The following KANSL2 variants were observed in gnomAD, a reference collection of about 807,000 sequenced individuals.
KANSL2 encodes the protein KAT8 regulatory NSL complex subunit 2.
KANSL2 carries 34 observed loss-of-function variants against 55.6 expected under a neutral mutation model. That is an observed-to-expected ratio of 0.61 (90% CI 0.46 to 0.81). The LOEUF (loss-of-function observed/expected upper bound fraction) is 0.81. Ranked by LOEUF, KANSL2 falls within the 40% of genes least tolerant of loss-of-function variation. The probability of loss-of-function intolerance (pLI) is 0.00; values close to 1 mark genes in which losing one functional copy is unlikely to be tolerated. For missense variants in KANSL2, 502 were observed against 609.9 expected (o/e 0.82, Z 1.86); for synonymous variants, 209 against 214.3 (o/e 0.98, Z 0.22).
At chr12:48,681,952 C>A (rs1181989828) in intron 1 of KANSL2, 2 of 702,928 alleles carry the variant, frequency 2.8e-6, no homozygotes, top group Admixed American at 4.0e-5. Flanking sequence ...TCCCCGCACG[C>A]CGCCTTTGTC....
intron 4 of KANSL2, among the ~76,000 whole-genome samples, chr12:48,678,614 A>T (rs1277229053): frequency 6.6e-6 from 1 of 152,192 alleles, no homozygotes; most frequent in Non-Finnish European, 1.5e-5. Flanking sequence ...ATATAACTTT[A>T]AAAAATTTAT....
chr12:48,670,510 G>A (rs1939691547), intron 5 of KANSL2, among the ~76,000 whole-genome samples: 1 of 152,068 alleles, frequency 6.6e-6, no homozygotes. Context: ...TAATGTACGT[G>A]TTTGCATCTT....
chr12:48,657,373 C>T (rs778560204), intron 8 of KANSL2, among the ~76,000 whole-genome samples: 5 of 151,728 alleles, frequency 3.3e-5, no homozygotes, highest in Non-Finnish European at 7.4e-5. Context: ...TGCAGTGAGC[C>T]GAGACTGCAC....
At chr12:48,669,056 A>G in intron 6 of KANSL2, 50 bp downstream of exon 6, 1 of 1,382,200 alleles carries the variant, frequency 7.2e-7, no homozygotes, top group Non-Finnish European at 9.6e-7. Context: ...AAAAATAAAA[A>G]CAATAAATAA....
In KANSL2 at chr12:48,669,285, G is replaced by A; in HGVS notation, c.710-13C>T. The A allele has an allele frequency of 6.6e-7, 1 of 1,516,352 alleles. No individual in the cohort carries two copies. The highest frequency in any genetic ancestry group is 8.9e-7 in the Non-Finnish European group (1 of 1,129,326). 93.9% of individuals were successfully genotyped at this position (1,516,352 alleles called of 1,614,324 possible). The stretch of plus-strand genomic sequence containing the variant: ...AGGAGACTACTGCCTAGAGTTACAA[G>A]AGTCAAGATGTTATTTGCCAAGCAA... On this transcript the variant is annotated splice_polypyrimidine_tract_variant and intron_variant, in intron 5 of 9. Coordinates refer to ENST00000420613, the MANE Select transcript of KANSL2 (RefSeq NM_017822.4).
At chr12:48,677,886 T>G (rs941954869) in intron 4 of KANSL2, among the ~76,000 whole-genome samples, 6 of 151,702 alleles carry the variant, frequency 4.0e-5, no homozygotes, top group Non-Finnish European at 8.8e-5. Flanking sequence ...TTCCAACTAC[T>G]TAGATGGGTT....
In KANSL2 at chr12:48,660,460, G is replaced by A. The variant is rs1939466364; in HGVS notation, c.1133C>T (p.Ser378Phe). Residue 378 changes from serine to phenylalanine, a missense_variant, in exon 8 of 10, where the codon TCT becomes TTT. By Grantham distance (155) the Ser-to-Phe change is radical (BLOSUM62 -2). Coordinates refer to ENST00000420613, the MANE Select transcript of KANSL2 (RefSeq NM_017822.4). ...PQMYKPEQVLSVPDDLEAGPM... is the reference protein window; with the variant it reads ...PQMYKPEQVLFVPDDLEAGPM... The stretch of plus-strand genomic sequence containing the variant: ...GCCGGCTTCCAGATCGTCTGGCACA[G>A]ACAGTACCTGCTCGGGCTTATACAT... The A allele has an allele frequency of 1.2e-6, 2 of 1,613,858 alleles. No homozygotes were observed. Among genetic ancestry groups the A allele is most frequent in the East Asian group, 2.2e-5 (1 of 44,892 alleles).
chr12:48,654,873 T>TA, intron 9 of KANSL2, 68 bp downstream of exon 9: 1 of 1,511,924 alleles, frequency 6.6e-7, no homozygotes, highest in South Asian at 1.2e-5. Flanking sequence ...ACATGCTATC[T>TA]AGCAGGGAAC....
chr12:48,663,069 T>C lies in KANSL2; in HGVS notation c.974-2450A>G, dbSNP rs184382515. Among the ~76,000 whole-genome samples the C allele has an allele frequency of 1.5e-3, 236 of 152,336 alleles. 2 individuals carry two copies. Among genetic ancestry groups the C allele is most frequent in the African/African-American group, 5.4e-3 (226 of 41,584 alleles). ...TGTCATTCATAAATTCTGTTAAATA[T>C]ATTTAATGCCTGAAAATATTCCACA... On this transcript the variant is annotated intron_variant, in intron 7 of 9. Transcript: ENST00000420613.
At position 48,678,132 on chromosome 12, in the gene KANSL2, C is replaced by G. The variant is rs1014788644; in HGVS notation, c.545+904G>C. Among the ~76,000 whole-genome samples the G allele has an allele frequency of 2.0e-5, 3 of 152,108 alleles. No homozygotes were observed. In the East Asian group the frequency reaches 5.8e-4, roughly 29 times the overall value. On this transcript the variant is annotated intron_variant, in intron 4 of 9. Coordinates refer to ENST00000420613, the MANE Select transcript of KANSL2 (RefSeq NM_017822.4). ...GAAAATGCTATTGCAAGAACAAAAGCCCAATAGTCAATCTAGAAATTACCC... is the reference window on the plus strand; with the variant it reads ...GAAAATGCTATTGCAAGAACAAAAGGCCAATAGTCAATCTAGAAATTACCC...
At position 48,664,637 on chromosome 12, in the gene KANSL2, A is replaced by G. The variant is rs1939557154; in HGVS notation, c.973+3056T>C. Among the ~76,000 whole-genome samples, 5 of 129,568 alleles carry G rather than the reference A, an allele frequency of 3.9e-5. No individual in the cohort carries two copies. The South Asian group carries it at 1.3e-3, about 33-fold the overall frequency. 85.0% of individuals were successfully genotyped at this position (129,568 alleles called of 152,430 possible). On this transcript the variant is annotated intron_variant, in intron 7 of 9. Transcript: ENST00000420613. ...CACTCTGTTGCCCAGGCTGGAGTGCAGTGGCGTGAACTCCTCCCACTGCAA... is the reference window on the plus strand; with the variant it reads ...CACTCTGTTGCCCAGGCTGGAGTGCGGTGGCGTGAACTCCTCCCACTGCAA...
At chr12:48,670,966 T>C (rs1565607756) in intron 5 of KANSL2, among the ~76,000 whole-genome samples, 1 of 151,552 alleles carries the variant, frequency 6.6e-6, no homozygotes, top group Admixed American at 6.6e-5. Context: ...TCTGTCTCTT[T>C]AAAAAAAAGC....
chr12:48,678,516 A>G (rs927934220), intron 4 of KANSL2, among the ~76,000 whole-genome samples: 4 of 152,216 alleles, frequency 2.6e-5, no homozygotes, highest in Admixed American at 2.6e-4. Context: ...TATGCTAATT[A>G]CCCTGATTTG....
In KANSL2 at chr12:48,682,238, T is replaced by C. The variant is rs1592112565; in HGVS notation, c.-61A>G. ...TGCCGCGCCGCTCGCCCTTCTCTAG[T>C]GGCGCCAGCGGCTCTCAGATCGGCC... On this transcript the variant is annotated 5_prime_UTR_variant, in exon 1 of 10. Transcript: ENST00000420613. 1.6e-6 allele frequency: 1 copy of C among 622,532 alleles called. No individual in the cohort carries two copies. The highest frequency in any genetic ancestry group is 1.8e-5 in the African/African-American group (1 of 54,580). 38.6% of individuals were successfully genotyped at this position (622,532 alleles called of 1,614,324 possible). A position where few individuals can be genotyped will look rare whatever the true frequency, so the allele number is the denominator to read the frequency against.
chr12:48,663,350 T>G (rs1395677954), intron 7 of KANSL2, among the ~76,000 whole-genome samples: 1 of 152,232 alleles, frequency 6.6e-6, no homozygotes, highest in African/African-American at 2.4e-5. Context: ...TCACCTACTT[T>G]TGAAATTCAC....
chr12:48,674,444 C>T (rs1228933987), intron 4 of KANSL2, among the ~76,000 whole-genome samples: 8 of 152,292 alleles, frequency 5.3e-5, no homozygotes, highest in African/African-American at 1.9e-4. Flanking sequence ...GCCACTGTGG[C>T]CAGCCTCTGC....
chr12:48,654,019 C>G lies in KANSL2; in HGVS notation c.*25G>C, dbSNP rs769230550. 6.4e-7 allele frequency: 1 copy of G among 1,551,684 alleles called. No homozygotes were observed. Among genetic ancestry groups the G allele is most frequent in the Non-Finnish European group, 8.7e-7 (1 of 1,153,030 alleles). ...TGAAGAACGAGAAATTTAAATCCAC[C>G]AAAGTAAAATGGTTCCCCAAACTAT... On this transcript the variant is annotated 3_prime_UTR_variant, in exon 10 of 10. Coordinates refer to ENST00000420613, the MANE Select transcript of KANSL2 (RefSeq NM_017822.4).
chr12:48,660,735 A>C (rs749617567), intron 7 of KANSL2, 116 bp from the exon 8 acceptor site: 49 of 1,029,404 alleles, frequency 4.8e-5, no homozygotes, highest in Non-Finnish European at 6.6e-5. Flanking sequence ...AATTACAACT[A>C]CATTTGATAC....
At chr12:48,663,922 T>G (rs1296148120) in intron 7 of KANSL2, among the ~76,000 whole-genome samples, 115 of 146,838 alleles carry the variant, frequency 7.8e-4, no homozygotes, top group African/African-American at 2.8e-3. Context: ...CCTTTTTTTT[T>G]TTTTTTTTTT....
Sources: gnomAD v4.1 joint callset for allele counts (sites outside exome capture counted in the v4.1 genomes callset) on GRCh38, gnomAD v4.1.1 for gene constraint, MANE v1.5 for transcripts, NCBI Gene and HGNC (gene_info 2026-07-23, HGNC 2026-07-21) for gene names.